The following RNF11 variants were observed in gnomAD, a reference collection of about 807,000 sequenced individuals.
RNF11 encodes ring finger protein 11.
In RNF11, 4 loss-of-function variants were observed where a neutral mutation model predicts 15.8. The ratio of observed to expected loss-of-function variants is 0.25; its 90% CI spans 0.12 to 0.58. The LOEUF (loss-of-function observed/expected upper bound fraction) is 0.58. Among genes scored for constraint, RNF11 ranks in the 20% least tolerant of loss-of-function variants. The pLI is 0.91. For missense variants in RNF11, 139 were observed against 194.4 expected (o/e 0.71, Z 1.70); for synonymous variants, 68 against 72.3 (o/e 0.94, Z 0.30).
chr1:51,246,432 A>AG (rs1204039920), intron 1 of RNF11, among the ~76,000 whole-genome samples: 1 of 149,968 alleles, frequency 6.7e-6, no homozygotes, highest in African/African-American at 2.5e-5. Flanking sequence ...AAAATTAGTC[A>AG]GGTGTGTTGG....
At chr1:51,251,662 G>A (rs1163985650) in intron 1 of RNF11, among the ~76,000 whole-genome samples, 3 of 152,130 alleles carry the variant, frequency 2.0e-5, no homozygotes, top group Non-Finnish European at 4.4e-5. Flanking sequence ...TTTGGGCTGG[G>A]CATGGTGGCT....
In RNF11 at chr1:51,244,448, G is replaced by C. The variant is rs187008929; in HGVS notation, c.123+7569G>C. Among the ~76,000 whole-genome samples the C allele has an allele frequency of 8.5e-3, 1,297 of 152,106 alleles. 17 individuals carry two copies. The highest frequency in any genetic ancestry group is 8.7e-3 in the Non-Finnish European group (590 of 68,004). ...CACCCAGGCTGGAGTGCAGTGGCGCGATCTCAGCTCACTGCAAGCTCCGCC... is the reference window on the plus strand; with the variant it reads ...CACCCAGGCTGGAGTGCAGTGGCGCCATCTCAGCTCACTGCAAGCTCCGCC... On this transcript the variant is annotated intron_variant, in intron 1 of 2. Coordinates refer to ENST00000242719, the MANE Select transcript of RNF11 (RefSeq NM_014372.5).
chr1:51,237,018 G>A, intron 1 of RNF11, 139 bp downstream of exon 1: 1 of 1,157,020 alleles, frequency 8.6e-7, no homozygotes, highest in South Asian at 1.7e-5. Flanking sequence ...GGATCTGAGG[G>A]CATTTGCTCT....
At chr1:51,236,910 G>A (rs1354680156) in intron 1 of RNF11, 31 bp downstream of exon 1, 3 of 1,589,456 alleles carry the variant, frequency 1.9e-6, no homozygotes, top group Non-Finnish European at 1.7e-6. Flanking sequence ...GGGGGAGCGA[G>A]TAGAGGCAGC....
chr1:51,258,379 T>C (rs1429753377), intron 1 of RNF11, among the ~76,000 whole-genome samples: 1 of 152,046 alleles, frequency 6.6e-6, no homozygotes, highest in Non-Finnish European at 1.5e-5. Flanking sequence ...ATTTAAACAA[T>C]AGGGATAACT....
intron 1 of RNF11, among the ~76,000 whole-genome samples, chr1:51,255,695 T>C (rs1304638402): frequency 6.6e-6 from 1 of 152,242 alleles, no homozygotes; most frequent in African/African-American, 2.4e-5. Context: ...TGCATGTGAC[T>C]AGCCTGATGT....
intron 1 of RNF11, among the ~76,000 whole-genome samples, chr1:51,253,121 G>A (rs1387011523): frequency 6.6e-6 from 1 of 152,040 alleles, no homozygotes; most frequent in Non-Finnish European, 1.5e-5. Flanking sequence ...CACCACGCCC[G>A]ACGTTGTCCA....
At chr1:51,269,157 G>A (rs1326419974) in intron 1 of RNF11, among the ~76,000 whole-genome samples, 1 of 152,194 alleles carries the variant, frequency 6.6e-6, no homozygotes, top group Non-Finnish European at 1.5e-5. Flanking sequence ...AGACTGCTCT[G>A]TTGATTCTGA....
intron 1 of RNF11, among the ~76,000 whole-genome samples, chr1:51,252,536 G>A (rs1166252612): frequency 6.6e-6 from 1 of 152,014 alleles, no homozygotes; most frequent in Non-Finnish European, 1.5e-5. Flanking sequence ...AATTGCTTGA[G>A]CCTGGGAGGC....
chr1:51,268,246 T>C (rs187773769), intron 1 of RNF11, among the ~76,000 whole-genome samples: 5 of 152,282 alleles, frequency 3.3e-5, no homozygotes, highest in Middle Eastern at 3.4e-3. Flanking sequence ...GTAAGAAGGG[T>C]GAGGCCACAT....
intron 1 of RNF11, among the ~76,000 whole-genome samples, chr1:51,242,325 C>CTTTTTTTTTT (rs57821900): frequency 1.5e-5 from 2 of 131,142 alleles, no homozygotes; most frequent in African/African-American, 5.7e-5. Flanking sequence ...TTCAAGATAC[C>CTTTTTTTTTT]TTTTTTTTTT....
At position 51,272,230 on chromosome 1, in the gene RNF11, A is replaced by T. The variant is rs552332541; in HGVS notation, c.*908A>T. ...AAAATGAAGGTGGCACCGTGGTGAG[A>T]CCTAATGAGAAATAGTTACTCAGTT... On this transcript the variant is annotated 3_prime_UTR_variant, in exon 3 of 3. Transcript: ENST00000242719. 1.3e-5 allele frequency: 2 copies of T among 152,598 alleles called. No individual in the cohort carries two copies. Among genetic ancestry groups the T allele is most frequent in the Non-Finnish European group, 2.9e-5 (2 of 68,020 alleles). The allele number at this position is 152,598 out of a possible 1,614,324, so 9.5% of individuals were successfully genotyped here.
At chr1:51,243,888 G>T (rs1646840898) in intron 1 of RNF11, among the ~76,000 whole-genome samples, 2 of 152,132 alleles carry the variant, frequency 1.3e-5, no homozygotes, top group Non-Finnish European at 2.9e-5. Context: ...TGAGCAGTTT[G>T]CTGTATTCCA....
At chr1:51,240,583 A>C (rs916021598) in intron 1 of RNF11, among the ~76,000 whole-genome samples, 1 of 152,154 alleles carries the variant, frequency 6.6e-6, no homozygotes, top group Non-Finnish European at 1.5e-5. Flanking sequence ...AAGTACTTAT[A>C]ACAGTGCCTG....
At chr1:51,257,211 G>A (rs1646907742) in intron 1 of RNF11, among the ~76,000 whole-genome samples, 1 of 152,168 alleles carries the variant, frequency 6.6e-6, no homozygotes, top group Admixed American at 6.5e-5. Context: ...GGTAGGTTAA[G>A]CTCTGGTAAA....
chr1:51,255,313 T>C (rs1646899567), intron 1 of RNF11, among the ~76,000 whole-genome samples: 1 of 152,222 alleles, frequency 6.6e-6, no homozygotes, highest in African/African-American at 2.4e-5. Flanking sequence ...CATGCTTGAG[T>C]GCAGTGGCAC....
chr1:51,272,509 T>A lies in RNF11; in HGVS notation c.*1187T>A, dbSNP rs1646984026. 6.6e-6 allele frequency: 1 copy of A among 152,614 alleles called. No homozygotes were observed. The highest frequency in any genetic ancestry group is 1.5e-5 in the Non-Finnish European group (1 of 68,014). 9.5% of individuals were successfully genotyped at this position (152,614 alleles called of 1,614,324 possible). Reference sequence around the variant, plus strand: ...CGCAGAATTTGTATAACCATATGACTTCATAGTTGTGATCTCAAAAAAGAA... The same window carrying A: ...CGCAGAATTTGTATAACCATATGACATCATAGTTGTGATCTCAAAAAAGAA... On this transcript the variant is annotated 3_prime_UTR_variant, in exon 3 of 3. Coordinates refer to ENST00000242719, the MANE Select transcript of RNF11 (RefSeq NM_014372.5).
chr1:51,259,256 G>A (rs1179945510), intron 1 of RNF11, among the ~76,000 whole-genome samples: 2 of 152,176 alleles, frequency 1.3e-5, no homozygotes, highest in Admixed American at 1.3e-4. Context: ...ACAAAGAATT[G>A]TCTTACTAAA....
At chr1:51,250,625 G>T in intron 1 of RNF11, 2 of 722,898 alleles carry the variant, frequency 2.8e-6, no homozygotes, top group Non-Finnish European at 4.7e-6. Flanking sequence ...CTGGAGCCTG[G>T]GTCCGCTGCA....
Sources: gnomAD v4.1 joint callset for allele counts (sites outside exome capture counted in the v4.1 genomes callset) on GRCh38, gnomAD v4.1.1 for gene constraint, MANE v1.5 for transcripts, NCBI Gene and HGNC (gene_info 2026-07-23, HGNC 2026-07-21) for gene names.